The following CRLF3 variants were observed in gnomAD, a reference collection of about 807,000 sequenced individuals.
CRLF3 encodes cytokine receptor like factor 3, also known as cytokine receptor-like factor 3.
In CRLF3, 33 loss-of-function variants were observed where a neutral mutation model predicts 55.0. The ratio of observed to expected loss-of-function variants is 0.60; its 90% confidence interval spans 0.46 to 0.80. The LOEUF is 0.80. Among genes scored for constraint, CRLF3 ranks in the 30% least tolerant of loss-of-function variants. The probability of loss-of-function intolerance (pLI) is 0.00; values close to 1 mark genes in which losing one functional copy is unlikely to be tolerated. For missense variants in CRLF3, 494 were observed against 538.4 expected (o/e 0.92, Z 0.82); for synonymous variants, 238 against 196.8 (o/e 1.21, Z -1.75).
At chr17:30,819,650 A>AT (rs1291364611) in intron 1 of CRLF3, among the ~76,000 whole-genome samples, 1 of 151,986 alleles carries the variant, frequency 6.6e-6, no homozygotes, top group East Asian at 1.9e-4. Flanking sequence ...GCTAATTTGT[A>AT]TTTTTTTAGT....
intron 6 of CRLF3, among the ~76,000 whole-genome samples, chr17:30,789,932 T>TGTAA (rs1971750398): frequency 6.6e-6 from 1 of 152,078 alleles, no homozygotes; most frequent in Admixed American, 6.6e-5. Context: ...AGAAGGGGTA[T>TGTAA]GTAAGTACAG....
At chr17:30,794,934 G>A (rs1217235515) in intron 4 of CRLF3, among the ~76,000 whole-genome samples, 2 of 152,164 alleles carry the variant, frequency 1.3e-5, no homozygotes, top group Non-Finnish European at 2.9e-5. Flanking sequence ...GAATCATCTT[G>A]TGGAAAGTTT....
chr17:30,820,982 G>A lies in CRLF3; in HGVS notation c.129+3541C>T, dbSNP rs150849242. On this transcript the variant is annotated intron_variant, in intron 1 of 7. Coordinates refer to ENST00000324238, the MANE Select transcript of CRLF3 (RefSeq NM_015986.4). ...AGACAGGAGGATGGCTTGAGCCTAG[G>A]AAGTCGAGGCTGCAGTGAGTTCTGA... is the stretch of plus-strand genomic sequence containing the variant. Among the ~76,000 whole-genome samples, 149 of 152,034 alleles carry A rather than the reference G, an allele frequency of 9.8e-4. 1 individual carries two copies. The highest frequency in any genetic ancestry group is 3.4e-3 in the African/African-American group (141 of 41,484).
intron 3 of CRLF3, among the ~76,000 whole-genome samples, 157 bp downstream of exon 3, chr17:30,797,154 G>A (rs1231788140): frequency 2.0e-5 from 3 of 152,136 alleles, no homozygotes; most frequent in African/African-American, 7.2e-5. Flanking sequence ...GCCTCCCAAC[G>A]TGCTGGGATT....
At chr17:30,823,666 G>A (rs900710474) in intron 1 of CRLF3, among the ~76,000 whole-genome samples, 7 of 151,982 alleles carry the variant, frequency 4.6e-5, no homozygotes, top group African/African-American at 1.7e-4. Flanking sequence ...AATTGGCAGC[G>A]GGTTATATCT....
intron 4 of CRLF3, among the ~76,000 whole-genome samples, chr17:30,795,571 G>C (rs1207488874): frequency 6.6e-6 from 1 of 151,978 alleles, no homozygotes; most frequent in Non-Finnish European, 1.5e-5. Context: ...GGGAGGCCAA[G>C]GTGGGCAGAT....
In CRLF3 at chr17:30,783,873, T is replaced by C. The variant is rs922783470; in HGVS notation, c.*314A>G. 5 of 226,864 alleles carry C rather than the reference T, an allele frequency of 2.2e-5. No individual in the cohort carries two copies. Among genetic ancestry groups the C allele is most frequent in the Non-Finnish European group, 4.3e-5 (5 of 115,540 alleles). 14.1% of individuals were successfully genotyped at this position (226,864 alleles called of 1,614,324 possible). On this transcript the variant is annotated 3_prime_UTR_variant, in exon 8 of 8. Transcript: ENST00000324238. ...AATATTACATTAAGTTTTCCTGGTC[T>C]AATAACCAACTTTGAGAAGTACAGT...
intron 6 of CRLF3, among the ~76,000 whole-genome samples, chr17:30,791,523 T>A (rs547609439): frequency 1.4e-4 from 19 of 139,076 alleles, no homozygotes; most frequent in African/African-American, 4.5e-4. Flanking sequence ...CCTCTAAAAT[T>A]TTTTTTTTTT....
At chr17:30,794,540 A>G (rs1971875441) in intron 4 of CRLF3, among the ~76,000 whole-genome samples, 2 of 152,346 alleles carry the variant, frequency 1.3e-5, no homozygotes, top group South Asian at 4.1e-4. Flanking sequence ...GCTCATGCCT[A>G]TAATCCTAAC....
intron 1 of CRLF3, among the ~76,000 whole-genome samples, chr17:30,811,106 CAAAA>C (rs576722275): frequency 6.6e-6 from 1 of 151,834 alleles, no homozygotes; most frequent in Non-Finnish European, 1.5e-5. Flanking sequence ...ACCAAACAAA[CAAAA>C]AAGAAAACCA....
intron 2 of CRLF3, among the ~76,000 whole-genome samples, chr17:30,801,643 T>C (rs6505212): frequency 0.99 from 151,054 of 152,164 alleles, 75,049 homozygotes; most frequent in Middle Eastern, 1. Flanking sequence ...GTTGGCCAGG[T>C]TAGTCTCAAA....
chr17:30,804,226 A>T (rs1972051121), intron 1 of CRLF3, 118 bp from the exon 2 acceptor site: 5 of 678,662 alleles, frequency 7.4e-6, no homozygotes, highest in African/African-American at 5.4e-5. Context: ...TAGTAAAAAA[A>T]AGATTAACTG....
chr17:30,783,354 C>T lies in CRLF3; in HGVS notation c.*833G>A, dbSNP rs1227537699. ...AAAATTGGTCCACTGCAGTGGCTCACACCTGTAATCCTAGCACTTTGGAAG... is the reference window on the plus strand; with the variant it reads ...AAAATTGGTCCACTGCAGTGGCTCATACCTGTAATCCTAGCACTTTGGAAG... On this transcript the variant is annotated 3_prime_UTR_variant, in exon 8 of 8. Transcript: ENST00000324238. 6.6e-6 allele frequency: 1 copy of T among 152,212 alleles called. No individual in the cohort carries two copies. The highest frequency in any genetic ancestry group is 6.5e-5 in the Admixed American group (1 of 15,268). 9.4% of individuals were successfully genotyped at this position (152,212 alleles called of 1,614,324 possible).
intron 3 of CRLF3, 99 bp from the exon 4 acceptor site, chr17:30,796,436 C>T (rs772274150): frequency 2.4e-6 from 2 of 841,462 alleles, no homozygotes; most frequent in South Asian, 4.5e-5. Context: ...GATCCTGAAG[C>T]CCCCAGTAAT....
At chr17:30,787,531 A>G (rs554982108) in intron 6 of CRLF3, 50 of 151,518 alleles carry the variant, frequency 3.3e-4, no homozygotes, top group African/African-American at 1.2e-3. Context: ...CAACTTTGCA[A>G]GGACAAAAAA....
intron 6 of CRLF3, among the ~76,000 whole-genome samples, chr17:30,788,200 C>T (rs79374601): frequency 0.13 from 19,176 of 151,254 alleles, 1,279 homozygotes; most frequent in South Asian, 0.25. Flanking sequence ...TGGTAGCAGG[C>T]GCCTGTAGTC....
intron 6 of CRLF3, among the ~76,000 whole-genome samples, chr17:30,790,473 G>A (rs1367457949): frequency 6.6e-6 from 1 of 152,134 alleles, no homozygotes; most frequent in African/African-American, 2.4e-5. Flanking sequence ...ATTAGTGGTA[G>A]GGGAGGCTTG....
intron 6 of CRLF3, among the ~76,000 whole-genome samples, chr17:30,792,110 A>C (rs866102189): frequency 6.6e-6 from 1 of 152,180 alleles, no homozygotes; most frequent in South Asian, 2.1e-4. Context: ...GGCCTACCAA[A>C]GTGCTGGGGT....
chr17:30,784,487 TAAGAGATCTGA>T, intron 7 of CRLF3, 44 bp from the exon 8 acceptor site: 1 of 1,528,166 alleles, frequency 6.5e-7, no homozygotes, highest in Non-Finnish European at 9.0e-7. Flanking sequence ...GAGCAATAAC[TAAGAGATCTGA>T]AATAGTTTCT....
Sources: allele counts gnomAD v4.1 joint callset (sites outside exome capture counted in the v4.1 genomes callset), GRCh38; gene constraint gnomAD v4.1.1; transcripts MANE v1.5; gene names NCBI Gene and HGNC (gene_info 2026-07-23, HGNC 2026-07-21).